The following KCNMA1 variants were observed in gnomAD, a reference collection of about 807,000 sequenced individuals.
KCNMA1 encodes the protein Calcium-activated potassium channel subunit alpha-1.
KCNMA1 carries 29 observed loss-of-function variants against 140.0 expected under a neutral mutation model. The ratio of observed to expected loss-of-function variants is 0.21; its 90% CI spans 0.15 to 0.28. KCNMA1 has a LOEUF of 0.28. Ranked by LOEUF, KCNMA1 falls within the 10% of genes least tolerant of loss-of-function variation. The pLI, the probability that KCNMA1 is intolerant of heterozygous loss-of-function variation, is 1.00. For missense variants in KCNMA1, 880 were observed against 1,602.2 expected, an observed-to-expected ratio of 0.55 and a Z score of 7.70; for synonymous variants, 612 against 611.9, an observed-to-expected ratio of 1.00 and a Z score of 0.00.
chr10:77,071,823 C>A (rs1265209181), intron 14 of KCNMA1, among the ~76,000 whole-genome samples: 1 of 152,168 alleles, frequency 6.6e-6, no homozygotes, highest in African/African-American at 2.4e-5. Context: ...TTATGTGGAG[C>A]AATGTTAACT....
chr10:76,927,116 G>A (rs559509048), intron 23 of KCNMA1, among the ~76,000 whole-genome samples: 10 of 152,096 alleles, frequency 6.6e-5, no homozygotes, highest in African/African-American at 1.9e-4. Flanking sequence ...AATTTTAAAC[G>A]TGATCTCCAA....
intron 1 of KCNMA1, among the ~76,000 whole-genome samples, chr10:77,470,033 G>A (rs2154527925): frequency 6.6e-6 from 1 of 152,152 alleles, no homozygotes; most frequent in South Asian, 2.1e-4. Context: ...TGCTCCTTCT[G>A]TCAGCAGTGG....
Position 76,962,252 on chromosome 10 carries a change from A to C in KCNMA1, c.2360+7722T>G, listed in dbSNP as rs533972960. Among the ~76,000 whole-genome samples, 4 of 152,358 alleles carry C rather than the reference A, an allele frequency of 2.6e-5. No homozygotes were observed. The South Asian group carries it at 8.3e-4, about 32-fold the overall frequency. ...ACTTCAGAAATTTACATGAAAGTAC[A>C]AAAAACCAGCCAAACACACAAAAAT... On this transcript the variant is annotated intron_variant, in intron 20 of 27. Transcript: ENST00000286628.
chr10:77,117,539 CAAAA>C (rs56926398), intron 6 of KCNMA1, among the ~76,000 whole-genome samples: 7 of 22,516 alleles, frequency 3.1e-4, no homozygotes, highest in African/African-American at 7.6e-4. Flanking sequence ...GAGTCTATCT[CAAAA>C]AAAAAAAAAA....
intron 19 of KCNMA1, among the ~76,000 whole-genome samples, chr10:76,990,035 C>T (rs959720668): frequency 6.6e-6 from 1 of 152,134 alleles, no homozygotes; most frequent in African/African-American, 2.4e-5. Flanking sequence ...TCACTGAATT[C>T]GTGCAACCAC....
chr10:77,427,719 TCATTTATTTATTTATTTATTTA>T (rs2097050370), intron 1 of KCNMA1, among the ~76,000 whole-genome samples: 1 of 107,192 alleles, frequency 9.3e-6, no homozygotes, highest in African/African-American at 3.8e-5. Flanking sequence ...ATCCATCCAT[TCATTTATTTATTTATTTATTTA>T]TTTATTTATT....
chr10:77,314,774 A>C (rs1157354908), intron 2 of KCNMA1, among the ~76,000 whole-genome samples: 3 of 152,160 alleles, frequency 2.0e-5, no homozygotes, highest in Non-Finnish European at 4.4e-5. Flanking sequence ...AAAAGCCTGC[A>C]TCCACCTAGC....
intron 4 of KCNMA1, among the ~76,000 whole-genome samples, chr10:77,184,076 A>G (rs1214690451): frequency 6.6e-6 from 1 of 151,940 alleles, no homozygotes; most frequent in Non-Finnish European, 1.5e-5. Context: ...ACACACACAC[A>G]CACACACACA....
At chr10:77,457,145 T>C (rs1400025006) in intron 1 of KCNMA1, among the ~76,000 whole-genome samples, 1 of 152,118 alleles carries the variant, frequency 6.6e-6, no homozygotes, top group Non-Finnish European at 1.5e-5. Flanking sequence ...AGCCTCTCAC[T>C]TAAAGGCTCT....
chr10:77,089,512 G>GTT (rs1254805562), intron 10 of KCNMA1, among the ~76,000 whole-genome samples: 1 of 152,118 alleles, frequency 6.6e-6, no homozygotes, highest in African/African-American at 2.4e-5. Flanking sequence ...ATTAGTCAAA[G>GTT]TTGAAAACCT....
intron 1 of KCNMA1, among the ~76,000 whole-genome samples, chr10:77,500,294 A>G (rs113248593): frequency 1.1e-3 from 174 of 151,724 alleles, no homozygotes; most frequent in African/African-American, 3.6e-3. Context: ...TACACTGTTT[A>G]TAAGAAATAT....
intron 1 of KCNMA1, among the ~76,000 whole-genome samples, chr10:77,449,959 T>A (rs1363556411): frequency 6.6e-6 from 1 of 151,596 alleles, no homozygotes; most frequent in Non-Finnish European, 1.5e-5. Context: ...TTATTTTTAA[T>A]TTAAAATAGA....
intron 1 of KCNMA1, among the ~76,000 whole-genome samples, chr10:77,525,082 T>C (rs1415977608): frequency 6.6e-6 from 1 of 152,220 alleles, no homozygotes; most frequent in Non-Finnish European, 1.5e-5. Context: ...CAATTTTATC[T>C]GGACGATATC....
chr10:77,007,616 A>G (rs1180780578), intron 18 of KCNMA1, among the ~76,000 whole-genome samples: 1 of 129,342 alleles, frequency 7.7e-6, no homozygotes, highest in Non-Finnish European at 1.7e-5. Flanking sequence ...AAGAATGTAC[A>G]TATACTCTGA....
At position 77,086,584 on chromosome 10, in the gene KCNMA1, G is replaced by A. The variant is rs1372752634; in HGVS notation, c.1344C>T (p.Pro448=). 2.0e-5 allele frequency: 33 copies of A among 1,612,146 alleles called. No individual in the cohort carries two copies. Among genetic ancestry groups the A allele is most frequent in the Non-Finnish European group, 2.6e-5 (31 of 1,178,242 alleles). ...VEIVFLHNIS[P]NLELEALFKR... ...TGAACAGAGCTTCAAGCTCCAGGTT[G>A]GGGGAGATGCTACACAGGGAGAGAA... The change falls in exon 11 of 28, where the codon CCC becomes CCT. Residue 448 remains proline (P), a synonymous_variant. Coordinates refer to ENST00000286628, the MANE Select transcript of KCNMA1 (RefSeq NM_001161352.2).
intron 9 of KCNMA1, among the ~76,000 whole-genome samples, chr10:77,096,233 T>C (rs529058609): frequency 3.3e-5 from 5 of 152,216 alleles, no homozygotes; most frequent in East Asian, 1.9e-4. Flanking sequence ...AAGCTGGGAA[T>C]TGGGAGACTG....
chr10:77,556,771 G>A (rs1248572), intron 1 of KCNMA1, among the ~76,000 whole-genome samples: 44,887 of 151,796 alleles, frequency 0.3, 7,370 homozygotes, highest in African/African-American at 0.44. Context: ...TCTTCCCTCC[G>A]CACACAATAG....
chr10:77,508,482 G>T (rs752213851), intron 1 of KCNMA1, among the ~76,000 whole-genome samples: 2 of 151,372 alleles, frequency 1.3e-5, no homozygotes, highest in Non-Finnish European at 2.9e-5. Context: ...CCCCCACTCA[G>T]CCTGCTTTGA....
chr10:77,156,985 AG>A (rs1411024307), intron 5 of KCNMA1, among the ~76,000 whole-genome samples: 1 of 152,224 alleles, frequency 6.6e-6, no homozygotes, highest in Non-Finnish European at 1.5e-5. Context: ...ACTGATTTGA[AG>A]GATAACCCTA....
Sources: gnomAD v4.1 joint callset for allele counts (sites outside exome capture counted in the v4.1 genomes callset) on GRCh38, gnomAD v4.1.1 for gene constraint, MANE v1.5 for transcripts, NCBI Gene and HGNC (gene_info 2026-07-23, HGNC 2026-07-21) for gene names.